RNGTT: variants seen among roughly 807,000 people sequenced by gnomAD.
The protein encoded by RNGTT is mRNA-capping enzyme.
RNGTT carries 33 observed loss-of-function variants against 79.3 expected under a neutral mutation model. The ratio of observed to expected loss-of-function variants is 0.42; its 90% CI spans 0.32 to 0.56. The LOEUF is 0.56. Ranked by LOEUF, RNGTT falls within the 20% of genes least tolerant of loss-of-function variation. RNGTT has a pLI of 0.17. For missense variants in RNGTT, 497 were observed against 739.1 expected, an observed-to-expected ratio of 0.67 and a Z score of 3.80; for synonymous variants, 222 against 235.9, an observed-to-expected ratio of 0.94 and a Z score of 0.54.
rs747600744 is a variant in RNGTT at position 88,904,892 on chromosome 6, A to G, written c.507T>C (p.Tyr169=). The change falls in exon 6 of 16, where the codon TAT becomes TAC. Residue 169 remains tyrosine (Y), a synonymous_variant. Coordinates refer to ENST00000369485, the MANE Select transcript of RNGTT (RefSeq NM_003800.5). The stretch of plus-strand genomic sequence containing the variant: ...CATACCGACGAAAAAGTTCCTTCAA[A>G]TAATCACCCTTGTAGATTCCTGGTG... ...ARPPGIYKGD[Y]LKELFRRYGD... 1 of 1,614,086 alleles carries G rather than the reference A, an allele frequency of 6.2e-7. No individual in the cohort carries two copies. The highest frequency in any genetic ancestry group is 8.5e-7 in the Non-Finnish European group (1 of 1,180,020).
chr6:88,807,872 C>G (rs1368214376), intron 11 of RNGTT, among the ~76,000 whole-genome samples: 2 of 152,178 alleles, frequency 1.3e-5, no homozygotes, highest in African/African-American at 4.8e-5. Flanking sequence ...TCTGAAATTA[C>G]GCCAGCCATG....
intron 13 of RNGTT, among the ~76,000 whole-genome samples, chr6:88,729,398 A>G (rs1201981684): frequency 6.6e-6 from 1 of 151,956 alleles, no homozygotes; most frequent in Non-Finnish European, 1.5e-5. Context: ...GAAAAAAAAA[A>G]AAAAAAAGAC....
At chr6:88,735,053 T>C (rs75775557) in intron 13 of RNGTT, among the ~76,000 whole-genome samples, 2,478 of 152,192 alleles carry the variant, frequency 0.016, 29 homozygotes, top group Middle Eastern at 0.024. Context: ...TCAAATGAAA[T>C]AGACTTCAGA....
intron 13 of RNGTT, among the ~76,000 whole-genome samples, chr6:88,749,086 T>A (rs999163109): frequency 6.6e-6 from 1 of 152,162 alleles, no homozygotes; most frequent in African/African-American, 2.4e-5. Context: ...AAAAAATAAC[T>A]GTTTACTTAG....
At chr6:88,865,955 TG>T (rs1348094329) in intron 8 of RNGTT, among the ~76,000 whole-genome samples, 1 of 152,154 alleles carries the variant, frequency 6.6e-6, no homozygotes, top group Non-Finnish European at 1.5e-5. Context: ...TAAATCTACT[TG>T]GGTTCATGTT....
intron 1 of RNGTT, among the ~76,000 whole-genome samples, chr6:88,942,593 A>T (rs555477943): frequency 3.5e-4 from 53 of 152,144 alleles, no homozygotes; most frequent in African/African-American, 1.2e-3. Context: ...CTGGTCTCGA[A>T]TTCCTAAGCT....
intron 14 of RNGTT, among the ~76,000 whole-genome samples, chr6:88,668,164 C>T (rs1774490242): frequency 6.6e-6 from 1 of 152,054 alleles, no homozygotes; most frequent in Non-Finnish European, 1.5e-5. Flanking sequence ...GGATCAAAGA[C>T]TGGAACATAG....
intron 11 of RNGTT, among the ~76,000 whole-genome samples, chr6:88,829,060 A>G (rs1780761256): frequency 6.6e-6 from 1 of 152,184 alleles, no homozygotes; most frequent in African/African-American, 2.4e-5. Flanking sequence ...CTCCTCGAGA[A>G]GAGCAACCCC....
chr6:88,709,473 T>A (rs1368381763), intron 13 of RNGTT, among the ~76,000 whole-genome samples: 4 of 152,194 alleles, frequency 2.6e-5, no homozygotes, highest in African/African-American at 2.4e-5. Context: ...TTATCCAATA[T>A]ATAATTGTAT....
At chr6:88,716,968 T>TA (rs928152981) in intron 13 of RNGTT, among the ~76,000 whole-genome samples, 4 of 151,700 alleles carry the variant, frequency 2.6e-5, no homozygotes, top group African/African-American at 7.3e-5. Flanking sequence ...AAAGTATAAT[T>TA]AAAAAAAATG....
intron 12 of RNGTT, among the ~76,000 whole-genome samples, chr6:88,774,453 C>G (rs9344860): frequency 6.6e-6 from 1 of 151,970 alleles, no homozygotes; most frequent in African/African-American, 2.4e-5. Flanking sequence ...CCACATGACC[C>G]GGAAGGTCCA....
Position 88,716,992 on chromosome 6 carries a change from C to T in RNGTT, c.1440-38573G>A, listed in dbSNP as rs11963050. Among the ~76,000 whole-genome samples the T allele has an allele frequency of 4.5e-3, 685 of 152,174 alleles. 2 individuals carry two copies. Among genetic ancestry groups the T allele is most frequent in the African/African-American group, 0.016 (648 of 41,534 alleles). ...TTAAAAAAAATGTAAACTGAGCACT[C>T]ATTCCATTTGTGAAAAGATCACCTG... is the stretch of plus-strand genomic sequence containing the variant. On this transcript the variant is annotated intron_variant, in intron 13 of 15. Coordinates refer to ENST00000369485, the MANE Select transcript of RNGTT (RefSeq NM_003800.5).
intron 13 of RNGTT, among the ~76,000 whole-genome samples, chr6:88,762,064 G>T (rs2127836845): frequency 6.6e-6 from 1 of 152,242 alleles, no homozygotes; most frequent in South Asian, 2.1e-4. Flanking sequence ...GACACGAATT[G>T]CCAGGAACCC....
rs530561796 is a variant in RNGTT at position 88,885,451 on chromosome 6, C to T, written c.896+5044G>A. On this transcript the variant is annotated intron_variant, in intron 8 of 15. Coordinates refer to ENST00000369485, the MANE Select transcript of RNGTT (RefSeq NM_003800.5). ...AGATTATAACCCACAGAATATAATA[C>T]GTGTCTATGAGTCCACACTGATAGG... is the stretch of plus-strand genomic sequence containing the variant. Among the ~76,000 whole-genome samples, 20 of 152,046 alleles carry T rather than the reference C, an allele frequency of 1.3e-4. No homozygotes were observed. In the South Asian group the frequency reaches 3.9e-3, roughly 30 times the overall value.
intron 4 of RNGTT, among the ~76,000 whole-genome samples, chr6:88,913,164 C>G (rs950574645): frequency 2.0e-5 from 3 of 147,150 alleles, no homozygotes; most frequent in Non-Finnish European, 3.0e-5. Context: ...AAGATTGCAG[C>G]ACTGCACTCC....
intron 4 of RNGTT, among the ~76,000 whole-genome samples, chr6:88,920,669 T>C (rs1402009479): frequency 6.6e-6 from 1 of 152,180 alleles, no homozygotes; most frequent in African/African-American, 2.4e-5. Context: ...AAACATTAAA[T>C]ATGCTTAATG....
At chr6:88,824,107 A>G (rs746268217) in intron 11 of RNGTT, among the ~76,000 whole-genome samples, 2 of 152,244 alleles carry the variant, frequency 1.3e-5, no homozygotes, top group East Asian at 3.8e-4. Context: ...CCAGCAAATT[A>G]AATTTAAAAA....
chr6:88,763,703 A>C (rs1778347070), intron 13 of RNGTT, among the ~76,000 whole-genome samples: 1 of 152,136 alleles, frequency 6.6e-6, no homozygotes, highest in African/African-American at 2.4e-5. Flanking sequence ...AAGACATAAA[A>C]CCCACAAAAA....
intron 8 of RNGTT, among the ~76,000 whole-genome samples, chr6:88,876,792 C>T (rs1437128124): frequency 6.6e-6 from 1 of 152,120 alleles, no homozygotes; most frequent in Non-Finnish European, 1.5e-5. Flanking sequence ...TTTGCTGCCC[C>T]CAGAACCTGG....
Sources: allele counts gnomAD v4.1 joint callset (sites outside exome capture counted in the v4.1 genomes callset), GRCh38; gene constraint gnomAD v4.1.1; transcripts MANE v1.5; gene names NCBI Gene and HGNC (gene_info 2026-07-23, HGNC 2026-07-21).